Variants in PCDHGB4 observed in about 807,000 individuals in gnomAD.
PCDHGB4 encodes protocadherin gamma-B4.
PCDHGB4 carries 38 observed loss-of-function variants against 60.5 expected under a neutral mutation model. The observed-to-expected ratio is 0.63, with a 90% CI of 0.48 to 0.82. The LOEUF (loss-of-function observed/expected upper bound fraction) is 0.82. Among genes scored for constraint, PCDHGB4 ranks in the 40% least tolerant of loss-of-function variants. PCDHGB4 has a pLI of 0.00. For synonymous variants in PCDHGB4, 456 were observed against 509.7 expected, an observed-to-expected ratio of 0.89 and a Z score of 1.42; for missense variants, 1,109 against 1,209.6, an observed-to-expected ratio of 0.92 and a Z score of 1.23.
At chr5:141,394,400 G>A (rs747087099) in intron 1 of PCDHGB4, 2 of 1,614,246 alleles carry the variant, frequency 1.2e-6, no homozygotes, top group South Asian at 2.2e-5. Flanking sequence ...GAGACCTGCA[G>A]CTACTGGTAA....
chr5:141,400,352 G>A (rs1214813312), intron 1 of PCDHGB4: 2 of 1,614,044 alleles, frequency 1.2e-6, no homozygotes, highest in Non-Finnish European at 1.7e-6. Flanking sequence ...TACAGTCAGG[G>A]GACTTTGCCT....
chr5:141,415,096 G>A (rs1398998410), intron 1 of PCDHGB4: 3 of 1,613,462 alleles, frequency 1.9e-6, no homozygotes, highest in Non-Finnish European at 2.5e-6. Flanking sequence ...GGACAGAGAC[G>A]CGCTCAAGCA....
At chr5:141,502,768 T>C (rs1389860952) in intron 2 of PCDHGB4, among the ~76,000 whole-genome samples, 1 of 152,154 alleles carries the variant, frequency 6.6e-6, no homozygotes, top group East Asian at 1.9e-4. Context: ...GCTGGTATTC[T>C]TCTGAAAATT....
chr5:141,427,114 A>G (rs767478190), intron 1 of PCDHGB4: 1 of 457,522 alleles, frequency 2.2e-6, no homozygotes, highest in Non-Finnish European at 4.4e-6. Flanking sequence ...GAGATCACCT[A>G]CTCTTTCAAA....
chr5:141,504,242 GTTC>G (rs903218038), intron 2 of PCDHGB4, among the ~76,000 whole-genome samples: 25 of 152,170 alleles, frequency 1.6e-4, no homozygotes, highest in African/African-American at 5.1e-4. Context: ...GAAGCAGAGA[GTTC>G]TTCTTATGGT....
At position 141,388,849 on chromosome 5, in the gene PCDHGB4, G is replaced by A; in HGVS notation, c.965G>A (p.Gly322Asp). The A allele has an allele frequency of 6.2e-7, 1 of 1,614,026 alleles. No individual in the cohort carries two copies. The highest frequency in any genetic ancestry group is 8.5e-7 in the Non-Finnish European group (1 of 1,179,888). Residue 322 changes from glycine (G) to aspartate (D), a missense_variant, in exon 1 of 4, where the codon GGT becomes GAT. Physicochemically the swap from Gly to Asp is moderately conservative, Grantham distance 94. This residue lies in a region of PCDHGB4 where 1,068 missense variants were observed against 1,089.9 expected (regional missense o/e 0.98). Transcript: ENST00000519479. ...TCCATAGTTTTGGAAGCAAGGGACG[G>A]TGGAGGAATGATTGCGCAATGCACA... ...EYSIVLEARD[G>D]GGMIAQCTVE... is the part of the protein sequence containing the mutation.
chr5:141,412,906 TG>T (rs2095588206), intron 1 of PCDHGB4: 2 of 384,208 alleles, frequency 5.2e-6, no homozygotes, highest in Admixed American at 8.2e-5. Context: ...TTCCATTGCA[TG>T]TATCACTTGG....
chr5:141,420,269 A>G, intron 1 of PCDHGB4: 1 of 1,544,558 alleles, frequency 6.5e-7, no homozygotes, highest in Admixed American at 2.0e-5. Flanking sequence ...GAAGATTCTT[A>G]AACAGGTAAG....
intron 1 of PCDHGB4, chr5:141,433,023 A>C: frequency 6.2e-7 from 1 of 1,614,084 alleles, no homozygotes; most frequent in East Asian, 2.2e-5. Context: ...ACCTATTCCC[A>C]CGAGGTTTCC....
rs149314216 is a variant in PCDHGB4, at chr5:141,487,041, G to A, written c.2398-7766G>A. 2.1e-3 allele frequency: 3,442 copies of A among 1,614,128 alleles called. 3 individuals carry two copies. Among genetic ancestry groups the A allele is most frequent in the Non-Finnish European group, 2.7e-3 (3,235 of 1,180,026 alleles). ...GATCCCAGCCTGTTTGCAGTCTCTC[G>A]ATATGCTGGGGAGGTGCGGACGGCT... On this transcript the variant is annotated intron_variant, in intron 1 of 3. Transcript: ENST00000519479. The surrounding 1 kb of genome is among the most constrained non-coding windows in gnomAD (Gnocchi z 5.0).
At chr5:141,415,468 G>A (rs762272586) in intron 1 of PCDHGB4, 8 of 1,614,070 alleles carry the variant, frequency 5.0e-6, no homozygotes, top group East Asian at 2.2e-5. Context: ...CTCTCTCACC[G>A]CGGACTCGCG....
Position 141,398,041 on chromosome 5 carries a change from G to T in PCDHGB4, c.2397+7760G>T, listed in dbSNP as rs114009258. On this transcript the variant is annotated intron_variant, in intron 1 of 3. Coordinates refer to ENST00000519479, the MANE Select transcript of PCDHGB4 (RefSeq NM_003736.4). ...TAAACTGGAACTGGAACTAAAGCCC[G>T]TTCGGAGATCCAAAAATCTACAATA... 1,416 of 1,492,890 alleles carry T rather than the reference G, an allele frequency of 9.5e-4. 9 individuals are homozygous for T. The African/African-American group carries it at 0.016, about 16-fold the overall frequency. 92.5% of individuals were successfully genotyped at this position (1,492,890 alleles called of 1,614,324 possible).
At chr5:141,453,745 A>G (rs1208061874) in intron 1 of PCDHGB4, among the ~76,000 whole-genome samples, 1 of 152,264 alleles carries the variant, frequency 6.6e-6, no homozygotes, top group African/African-American at 2.4e-5. Context: ...CTTAAATAAC[A>G]TAAGTCTCCT....
chr5:141,421,255 C>T lies in PCDHGB4; in HGVS notation c.2397+30974C>T, dbSNP rs759899934. On this transcript the variant is annotated intron_variant, in intron 1 of 3. Coordinates refer to ENST00000519479, the MANE Select transcript of PCDHGB4 (RefSeq NM_003736.4). ...GGCGAATCGGCTACAGCGCGGGGAC[C>T]GCAGTCGGCTGCTGCTGCTGCTGTG... 5.2e-5 allele frequency: 84 copies of T among 1,607,644 alleles called. No individual in the cohort carries two copies. Among genetic ancestry groups the T allele is most frequent in the Non-Finnish European group, 6.8e-5 (80 of 1,177,916 alleles).
At chr5:141,392,559 A>T in intron 1 of PCDHGB4, 2 of 384,544 alleles carry the variant, frequency 5.2e-6, no homozygotes, top group Non-Finnish European at 4.6e-6. Context: ...ATCTCAGTGC[A>T]GTAACTATTT....
Position 141,476,538 on chromosome 5 carries a change from A to G in PCDHGB4, c.2398-18269A>G, listed in dbSNP as rs2099393283. ...CCTGCTTTCCCTACCCAGGAAATGAAATTGGAGATTAGCGAGGCCGTGGCT... is the reference window on the plus strand; with the variant it reads ...CCTGCTTTCCCTACCCAGGAAATGAGATTGGAGATTAGCGAGGCCGTGGCT... On this transcript the variant is annotated intron_variant, in intron 1 of 3. Coordinates refer to ENST00000519479, the MANE Select transcript of PCDHGB4 (RefSeq NM_003736.4). The surrounding 1 kb of genome is among the most constrained non-coding windows in gnomAD (Gnocchi z 7.6). 1.2e-6 allele frequency: 2 copies of G among 1,614,162 alleles called. No homozygotes were observed. Among genetic ancestry groups the G allele is most frequent in the Non-Finnish European group, 1.7e-6 (2 of 1,180,042 alleles).
intron 1 of PCDHGB4, chr5:141,414,763 C>A: frequency 6.2e-7 from 1 of 1,614,258 alleles, no homozygotes; most frequent in Non-Finnish European, 8.5e-7. Flanking sequence ...TGAGCAGTTT[C>A]ATGAGCTACA....
intron 1 of PCDHGB4, chr5:141,410,195 G>A (rs769655902): frequency 1.1e-5 from 18 of 1,613,966 alleles, no homozygotes; most frequent in Non-Finnish European, 1.0e-5. Context: ...TCTGGTCTTC[G>A]CAGACAACTT....
In PCDHGB4 at chr5:141,389,674, G is replaced by T. The variant is rs763404625; in HGVS notation, c.1790G>T (p.Gly597Val). The T allele has an allele frequency of 1.2e-6, 2 of 1,612,448 alleles. No individual in the cohort carries two copies. The highest frequency in any genetic ancestry group is 3.3e-5 in the Admixed American group (2 of 60,034). Reference protein sequence around the residue: ...TKVVAVDADSGHNAWLSYHVL... With the variant: ...TKVVAVDADSVHNAWLSYHVL... ...GTAGTGGCGGTGGACGCAGACTCAG[G>T]ACACAACGCCTGGCTGTCCTACCAC... The change falls in exon 1 of 4, where the codon GGA becomes GTA. Residue 597 changes from glycine (G) to valine (V), a missense_variant. This residue lies in a region of PCDHGB4 where 1,068 missense variants were observed against 1,089.9 expected (regional missense o/e 0.98). Coordinates refer to ENST00000519479, the MANE Select transcript of PCDHGB4 (RefSeq NM_003736.4).
Sources: gnomAD v4.1 joint callset for allele counts (sites outside exome capture counted in the v4.1 genomes callset) on GRCh38, gnomAD v4.1.1 for gene constraint, gnomAD v4.1.1 regional missense constraint, Gnocchi (gnomAD v3.1) non-coding constraint, MANE v1.5 for transcripts, NCBI Gene and HGNC (gene_info 2026-07-23, HGNC 2026-07-21) for gene names.